ATXN1: variants seen among roughly 807,000 people sequenced by gnomAD.
ATXN1 encodes ataxin 1.
A neutral mutation model predicts 56.4 loss-of-function variants in ATXN1; 8 were observed. The ratio of observed to expected loss-of-function variants is 0.14; its 90% confidence interval spans 0.08 to 0.26. The LOEUF (loss-of-function observed/expected upper bound fraction) is 0.26, where lower values mean the gene tolerates loss of function less well. Among genes scored for constraint, ATXN1 ranks in the 10% least tolerant of loss-of-function variants. The pLI is 1.00. For synonymous variants in ATXN1, 514 were observed against 494.6 expected (o/e 1.04, Z -0.52); for missense variants, 987 against 1,106.5 (o/e 0.89, Z 1.53).
intron 2 of ATXN1, among the ~76,000 whole-genome samples, chr6:16,692,388 A>T (rs900722139): frequency 5.3e-5 from 8 of 152,218 alleles, no homozygotes; most frequent in Admixed American, 2.0e-4. Flanking sequence ...AATCTGTATG[A>T]TTACTTTGGG....
chr6:16,476,534 A>AC (rs1760330687), intron 6 of ATXN1, among the ~76,000 whole-genome samples: 2 of 152,050 alleles, frequency 1.3e-5, no homozygotes, highest in Admixed American at 6.5e-5. Flanking sequence ...AAAAAAAAAA[A>AC]CAAAAAACAA....
In ATXN1 at chr6:16,592,698, C is replaced by T. The variant is rs529364260; in HGVS notation, c.-488-6791G>A. Among the ~76,000 whole-genome samples the T allele has an allele frequency of 2.6e-5, 4 of 152,176 alleles. No homozygotes were observed. In the South Asian group the frequency reaches 6.2e-4, roughly 24 times the overall value. ...GTTCCTTCTGGTGGGTTCGTGGTCT[C>T]GCTGACTTCAAGAATGGAGCCGCTA... is the stretch of plus-strand genomic sequence containing the variant. On this transcript the variant is annotated intron_variant, in intron 3 of 7. Coordinates refer to ENST00000436367, the MANE Select transcript of ATXN1 (RefSeq NM_001128164.2).
chr6:16,355,930 C>T (rs1028552241), intron 6 of ATXN1, among the ~76,000 whole-genome samples: 19 of 152,302 alleles, frequency 1.2e-4, no homozygotes, highest in African/African-American at 2.9e-4. Flanking sequence ...ACTGCAAACA[C>T]GTCTTGCTCC....
chr6:16,396,832 C>A (rs1758468856), intron 6 of ATXN1, among the ~76,000 whole-genome samples: 1 of 151,654 alleles, frequency 6.6e-6, no homozygotes, highest in African/African-American at 2.4e-5. Flanking sequence ...TGTCTAGATG[C>A]ACAAAAACTA....
At chr6:16,603,060 T>C (rs1350489550) in intron 3 of ATXN1, among the ~76,000 whole-genome samples, 1 of 152,130 alleles carries the variant, frequency 6.6e-6, no homozygotes, top group Non-Finnish European at 1.5e-5. Context: ...TAAGTGCCGA[T>C]AAAATAAAAG....
At chr6:16,405,139 C>T (rs929826977) in intron 6 of ATXN1, among the ~76,000 whole-genome samples, 4 of 152,218 alleles carry the variant, frequency 2.6e-5, no homozygotes, top group Non-Finnish European at 5.9e-5. Flanking sequence ...AGTGGATTTA[C>T]ATCAGTGCTC....
intron 5 of ATXN1, among the ~76,000 whole-genome samples, chr6:16,508,720 TA>T (rs1761025865): frequency 6.6e-6 from 1 of 152,108 alleles, no homozygotes; most frequent in African/African-American, 2.4e-5. Flanking sequence ...CAGCAGTTCA[TA>T]AAAAATTTAA....
At chr6:16,720,344 A>G (rs1759721743) in intron 2 of ATXN1, among the ~76,000 whole-genome samples, 1 of 152,160 alleles carries the variant, frequency 6.6e-6, no homozygotes, top group South Asian at 2.1e-4. Flanking sequence ...TATGCAATTT[A>G]CTTGTGGTTG....
At chr6:16,308,322 T>TCACACACACACACACACACACACACACA (rs35291830) in intron 7 of ATXN1, among the ~76,000 whole-genome samples, 1 of 132,650 alleles carries the variant, frequency 7.5e-6, no homozygotes, top group Non-Finnish European at 1.6e-5. Flanking sequence ...TGAAACTCCG[T>TCACACACACACACACACACACACACACA]CACACACACA....
At chr6:16,309,211 G>C (rs1387582449) in intron 7 of ATXN1, among the ~76,000 whole-genome samples, 2 of 148,098 alleles carry the variant, frequency 1.4e-5, no homozygotes, top group East Asian at 3.9e-4. Flanking sequence ...CTGGACAACA[G>C]AGTGAGACTC....
At chr6:16,477,003 A>C (rs1760338973) in intron 6 of ATXN1, among the ~76,000 whole-genome samples, 1 of 151,912 alleles carries the variant, frequency 6.6e-6, no homozygotes. Context: ...GACTACAAAA[A>C]CTCTTTTAGT....
In ATXN1 at chr6:16,506,195, C is replaced by T. The variant is rs1056101953; in HGVS notation, c.-299+16432G>A. Among the ~76,000 whole-genome samples the T allele has an allele frequency of 2.0e-5, 3 of 152,266 alleles. No individual in the cohort carries two copies. Among genetic ancestry groups the T allele is most frequent in the Admixed American group, 1.3e-4 (2 of 15,286 alleles). ...GGGTAGCACAGAAGTTTGGCCTTTT[C>T]GCTGGTGATTTATTTCCATTTGTTC... On this transcript the variant is annotated intron_variant, in intron 5 of 7. Transcript: ENST00000436367. This position sits in a 1 kb window ranked among gnomAD's most constrained non-coding sequence, Gnocchi z 4.1.
chr6:16,708,645 G>A (rs1017742506), intron 2 of ATXN1, among the ~76,000 whole-genome samples: 1 of 152,056 alleles, frequency 6.6e-6, no homozygotes, highest in Non-Finnish European at 1.5e-5. Flanking sequence ...ATTAAAGGGT[G>A]TACTTATTAG....
intron 2 of ATXN1, among the ~76,000 whole-genome samples, chr6:16,702,065 C>T (rs1265660345): frequency 7.9e-5 from 12 of 151,910 alleles, no homozygotes; most frequent in South Asian, 2.1e-4. Context: ...GGAGGCATCA[C>T]ACTACCTGAC....
chr6:16,332,513 A>C (rs2073517), intron 6 of ATXN1, among the ~76,000 whole-genome samples: 18,858 of 151,972 alleles, frequency 0.12, 1,778 homozygotes, highest in East Asian at 0.42. Flanking sequence ...CTCCCAGGGG[A>C]CCCCCGAGGA....
intron 3 of ATXN1, among the ~76,000 whole-genome samples, chr6:16,609,081 T>C (rs868465344): frequency 6.6e-6 from 1 of 152,158 alleles, no homozygotes; most frequent in African/African-American, 2.4e-5. Context: ...AAGCATCACA[T>C]AAAAGGCTGA....
chr6:16,380,268 G>A (rs771301701), intron 6 of ATXN1, among the ~76,000 whole-genome samples: 1 of 152,170 alleles, frequency 6.6e-6, no homozygotes, highest in Non-Finnish European at 1.5e-5. Flanking sequence ...CTAGTCATCT[G>A]TTCACAAACT....
In ATXN1 at chr6:16,327,030, C is replaced by A. The variant is rs200416161; in HGVS notation, c.1281G>T (p.Ala427=). 1 of 1,614,142 alleles carries A rather than the reference C, an allele frequency of 6.2e-7. No individual in the cohort carries two copies. The highest frequency in any genetic ancestry group is 8.5e-7 in the Non-Finnish European group (1 of 1,180,040). Residue 427 remains alanine (A), a synonymous_variant, in exon 7 of 8, where the codon GCG becomes GCT. Coordinates refer to ENST00000436367, the MANE Select transcript of ATXN1 (RefSeq NM_001128164.2). ...HLGKPGHRSY[A]LSPHTVIQTT... ...TCTGAATGACCGTGTGGGGTGAGAG[C>A]GCGTAGGACCGGTGGCCAGGCTTCC...
At chr6:16,395,227 G>A (rs538866364) in intron 6 of ATXN1, among the ~76,000 whole-genome samples, 7 of 130,644 alleles carry the variant, frequency 5.4e-5, no homozygotes, top group East Asian at 2.2e-4. Context: ...CCAAGATTGC[G>A]CCATTGCATT....
Sources: allele counts gnomAD v4.1 joint callset (sites outside exome capture counted in the v4.1 genomes callset), GRCh38; gene constraint gnomAD v4.1.1; non-coding constraint Gnocchi (gnomAD v3.1); transcripts MANE v1.5; gene names NCBI Gene and HGNC (gene_info 2026-07-23, HGNC 2026-07-21).